ZMAT4: variants seen among roughly 807,000 people sequenced by gnomAD.
The protein encoded by ZMAT4 is zinc finger matrin-type 4.
A neutral mutation model predicts 28.7 loss-of-function variants in ZMAT4; 17 were observed. The observed-to-expected ratio is 0.59, with a 90% confidence interval of 0.41 to 0.89. ZMAT4 has a LOEUF of 0.89. ZMAT4 is among the 40% of genes least tolerant of loss of function. The pLI is 0.00. For missense variants in ZMAT4, 240 were observed against 283.8 expected (o/e 0.85, Z 1.11); for synonymous variants, 117 against 109.2 (o/e 1.07, Z -0.44).
chr8:40,803,882 T>G (rs1186759584), intron 2 of ZMAT4, among the ~76,000 whole-genome samples: 3 of 152,216 alleles, frequency 2.0e-5, no homozygotes, highest in Admixed American at 6.5e-5. Flanking sequence ...AACAATGGAC[T>G]ATTATTCATC....
intron 6 of ZMAT4, among the ~76,000 whole-genome samples, chr8:40,541,747 G>A (rs1486409697): frequency 6.6e-6 from 1 of 152,214 alleles, no homozygotes; most frequent in East Asian, 1.9e-4. Flanking sequence ...GTGAATTTGA[G>A]AGAGAAACGA....
intron 5 of ZMAT4, among the ~76,000 whole-genome samples, chr8:40,627,348 T>C (rs976733656): frequency 2.0e-5 from 3 of 152,150 alleles, no homozygotes; most frequent in African/African-American, 7.2e-5. Flanking sequence ...ATCTAATGCT[T>C]AAGCAAAAGA....
intron 1 of ZMAT4, among the ~76,000 whole-genome samples, chr8:40,840,991 C>T (rs1176534406): frequency 2.6e-5 from 4 of 152,188 alleles, no homozygotes; most frequent in Non-Finnish European, 4.4e-5. Flanking sequence ...GGGAGTTCTT[C>T]GGCTAATTTT....
intron 3 of ZMAT4, among the ~76,000 whole-genome samples, chr8:40,702,953 C>CA (rs1810208111): frequency 6.6e-6 from 1 of 151,940 alleles, no homozygotes; most frequent in South Asian, 2.1e-4. Context: ...CCAGAGATAA[C>CA]AATCGATTAA....
At chr8:40,873,993 G>A (rs1817951036) in intron 1 of ZMAT4, among the ~76,000 whole-genome samples, 2 of 152,140 alleles carry the variant, frequency 1.3e-5, no homozygotes. Flanking sequence ...AGGGAAAAGG[G>A]AAGATGATGA....
intron 3 of ZMAT4, among the ~76,000 whole-genome samples, chr8:40,724,577 T>C (rs893099639): frequency 6.6e-6 from 1 of 152,194 alleles, no homozygotes. Context: ...ATAATTCCAA[T>C]CTTCAGAAGT....
intron 5 of ZMAT4, among the ~76,000 whole-genome samples, chr8:40,671,336 A>C (rs1808657063): frequency 6.6e-6 from 1 of 152,188 alleles, no homozygotes; most frequent in African/African-American, 2.4e-5. Context: ...AAGAGAAGTA[A>C]AACATATGTT....
chr8:40,678,575 C>A, intron 4 of ZMAT4, among the ~76,000 whole-genome samples: 1 of 152,334 alleles, frequency 6.6e-6, no homozygotes, highest in Middle Eastern at 3.4e-3. Flanking sequence ...TCTCCCTCCT[C>A]TAAGCTTATA....
chr8:40,796,283 C>A (rs1423568829), intron 2 of ZMAT4, among the ~76,000 whole-genome samples: 1 of 152,212 alleles, frequency 6.6e-6, no homozygotes. Context: ...TTAAACATGA[C>A]ACTCACCTCA....
chr8:40,657,995 T>C (rs1808003697), intron 5 of ZMAT4, among the ~76,000 whole-genome samples: 1 of 152,206 alleles, frequency 6.6e-6, no homozygotes, highest in Non-Finnish European at 1.5e-5. Context: ...GTTCTTGAGA[T>C]TAGATAGTAC....
chr8:40,725,656 T>C (rs1811288742), intron 3 of ZMAT4, among the ~76,000 whole-genome samples: 2 of 152,006 alleles, frequency 1.3e-5, no homozygotes, highest in Admixed American at 1.3e-4. Flanking sequence ...TTTAAAGTCA[T>C]GATTTCCAGG....
At chr8:40,631,882 C>T (rs1310972825) in intron 5 of ZMAT4, among the ~76,000 whole-genome samples, 3 of 152,190 alleles carry the variant, frequency 2.0e-5, no homozygotes, top group Non-Finnish European at 4.4e-5. Context: ...ATCCATTTTT[C>T]AGTTCAAGAT....
At chr8:40,828,480 C>T (rs1442123123) in intron 1 of ZMAT4, among the ~76,000 whole-genome samples, 2 of 151,886 alleles carry the variant, frequency 1.3e-5, no homozygotes, top group Non-Finnish European at 2.9e-5. Context: ...ACCAAGCAGG[C>T]CCGTAGGAGT....
intron 3 of ZMAT4, among the ~76,000 whole-genome samples, chr8:40,745,546 C>G (rs1478679490): frequency 6.6e-6 from 1 of 152,114 alleles, no homozygotes; most frequent in Non-Finnish European, 1.5e-5. Context: ...AATGAGTTTA[C>G]AAGGTCCTTT....
At chr8:40,557,945 T>C (rs1284391608) in intron 6 of ZMAT4, among the ~76,000 whole-genome samples, 1 of 151,926 alleles carries the variant, frequency 6.6e-6, no homozygotes, top group Non-Finnish European at 1.5e-5. Context: ...AGAGACAAAA[T>C]AGGATGATGT....
intron 5 of ZMAT4, among the ~76,000 whole-genome samples, chr8:40,588,252 A>G (rs2118568438): frequency 6.6e-6 from 1 of 152,184 alleles, no homozygotes; most frequent in Non-Finnish European, 1.5e-5. Flanking sequence ...AACAAAAAGT[A>G]TTGACTCTTA....
intron 1 of ZMAT4, among the ~76,000 whole-genome samples, chr8:40,883,545 C>T (rs972593188): frequency 6.6e-6 from 1 of 152,168 alleles, no homozygotes; most frequent in Admixed American, 6.5e-5. Context: ...ATCACACAAC[C>T]GTAGGTAAGT....
intron 5 of ZMAT4, among the ~76,000 whole-genome samples, chr8:40,644,781 C>G (rs903542828): frequency 6.6e-6 from 1 of 152,088 alleles, no homozygotes; most frequent in Admixed American, 6.6e-5. Flanking sequence ...ACATCAGCAG[C>G]AATAAATCAT....
At chr8:40,627,860 A>G (rs1806431158) in intron 5 of ZMAT4, among the ~76,000 whole-genome samples, 1 of 152,306 alleles carries the variant, frequency 6.6e-6, no homozygotes, top group African/African-American at 2.4e-5. Flanking sequence ...GGAGGGAAAG[A>G]TAAGTCCATA....
Sources: allele counts gnomAD v4.1 joint callset (sites outside exome capture counted in the v4.1 genomes callset), GRCh38; gene constraint gnomAD v4.1.1; transcripts MANE v1.5; gene names NCBI Gene and HGNC (gene_info 2026-07-23, HGNC 2026-07-21).